Variants in COL17A1 observed in about 807,000 individuals in gnomAD.
COL17A1 encodes collagen alpha-1(XVII) chain.
COL17A1 carries 181 observed loss-of-function variants against 218.4 expected under a neutral mutation model. The ratio of observed to expected loss-of-function variants is 0.83; its 90% confidence interval spans 0.73 to 0.94. The LOEUF (loss-of-function observed/expected upper bound fraction) is 0.94, where lower values mean the gene tolerates loss of function less well. Ranked by LOEUF, COL17A1 falls within the 40% of genes least tolerant of loss-of-function variation. The pLI is 0.00. For missense variants in COL17A1, 1,924 were observed against 1,945.9 expected, an observed-to-expected ratio of 0.99 and a Z score of 0.21; for synonymous variants, 721 against 731.0, an observed-to-expected ratio of 0.99 and a Z score of 0.22.
At position 104,055,850 on chromosome 10, in the gene COL17A1, A is replaced by T; in HGVS notation, c.1619T>A (p.Leu540Gln). Reference sequence around the variant, plus strand: ...GAGCTCCTCCTGGCTGTCACTGTGCAGCCCAATTTTGTCCAGGTCTGCTCC... The same window carrying T: ...GAGCTCCTCCTGGCTGTCACTGTGCTGCCCAATTTTGTCCAGGTCTGCTCC... ...AAGADLDKIG[L>Q]HSDSQEELWM... The change falls in exon 18 of 56, where the codon CTG (leucine) becomes CAG (glutamine). Residue 540 changes from leucine (L) to glutamine (Q), a missense_variant. Physicochemically the swap from Leu to Gln is moderately radical, Grantham distance 113. Coordinates refer to ENST00000648076, the MANE Select transcript of COL17A1 (RefSeq NM_000494.4). 6.2e-7 allele frequency: 1 copy of T among 1,614,210 alleles called. No individual in the cohort carries two copies. Among genetic ancestry groups the T allele is most frequent in the East Asian group, 2.2e-5 (1 of 44,886 alleles).
intron 33 of COL17A1, among the ~76,000 whole-genome samples, chr10:104,044,911 G>T (rs905152767): frequency 7.9e-5 from 12 of 152,132 alleles, no homozygotes; most frequent in Non-Finnish European, 1.6e-4. Context: ...TCATTATTTT[G>T]GAATTACATT....
At chr10:104,048,015 T>C in intron 30 of COL17A1, 54 bp downstream of exon 30, 1 of 1,608,318 alleles carries the variant, frequency 6.2e-7, no homozygotes, top group South Asian at 1.1e-5. Flanking sequence ...GGCTGCATGC[T>C]GGAACAGGGG....
chr10:104,070,372 G>A (rs921363375), intron 9 of COL17A1, 54 bp downstream of exon 9: 2 of 1,610,454 alleles, frequency 1.2e-6, no homozygotes, highest in Non-Finnish European at 1.7e-6. Context: ...CTTTGGGTTT[G>A]GATGGGTAAG....
chr10:104,079,871 G>A (rs1439456667), intron 2 of COL17A1, among the ~76,000 whole-genome samples: 4 of 148,918 alleles, frequency 2.7e-5, no homozygotes, highest in Non-Finnish European at 5.9e-5. Context: ...AGGTTGCAGT[G>A]AGCCAAGATT....
chr10:104,078,730 G>C, intron 2 of COL17A1, 144 bp from the exon 3 acceptor site: 4 of 1,105,894 alleles, frequency 3.6e-6, no homozygotes, highest in Non-Finnish European at 5.3e-6. Flanking sequence ...TAAGGTGTGT[G>C]ATCTGACCCA....
At chr10:104,071,624 C>T (rs1269073535) in intron 8 of COL17A1, among the ~76,000 whole-genome samples, 1 of 152,148 alleles carries the variant, frequency 6.6e-6, no homozygotes, top group East Asian at 1.9e-4. Context: ...TTCGATGCCT[C>T]ATGCAGGCTC....
chr10:104,077,591 C>T, intron 3 of COL17A1, 65 bp from the exon 4 acceptor site: 2 of 1,365,074 alleles, frequency 1.5e-6, no homozygotes, highest in Non-Finnish European at 2.1e-6. Context: ...CCCTGGTCCC[C>T]CACCCTGTGG....
intron 5 of COL17A1, among the ~76,000 whole-genome samples, chr10:104,074,799 C>T (rs1224029276): frequency 1.3e-5 from 2 of 152,230 alleles, no homozygotes; most frequent in African/African-American, 4.8e-5. Context: ...GATGCTAGCC[C>T]GCTGTGATCA....
At chr10:104,072,997 C>T (rs746141186) in intron 7 of COL17A1, among the ~76,000 whole-genome samples, 24 of 152,300 alleles carry the variant, frequency 1.6e-4, no homozygotes, top group Non-Finnish European at 2.2e-4. Flanking sequence ...CCTGCCTCTA[C>T]GTGCTTGTTA....
chr10:104,056,089 A>G (rs2086522682), intron 17 of COL17A1, 86 bp from the exon 18 acceptor site: 4 of 1,507,082 alleles, frequency 2.7e-6, no homozygotes, highest in Middle Eastern at 3.5e-4. Context: ...GCCTGACACA[A>G]GGGATTGGGG....
chr10:104,063,391 T>A, intron 11 of COL17A1: 1 of 329,724 alleles, frequency 3.0e-6, no homozygotes, highest in Non-Finnish European at 5.9e-6. Context: ...ATGAATTCTA[T>A]TTTTCTTTAA....
intron 46 of COL17A1, among the ~76,000 whole-genome samples, 184 bp downstream of exon 46, chr10:104,037,452 C>T (rs2086311805): frequency 6.6e-6 from 1 of 152,154 alleles, no homozygotes; most frequent in South Asian, 2.1e-4. Flanking sequence ...AGCGTGGCCG[C>T]CCTGAATCTG....
chr10:104,038,343 C>T (rs953816358), intron 45 of COL17A1, 63 bp downstream of exon 45: 3 of 1,606,884 alleles, frequency 1.9e-6, no homozygotes, highest in Non-Finnish European at 2.5e-6. Flanking sequence ...ACCACAGCTC[C>T]CTTGCAAAGA....
At chr10:104,050,796 G>C (rs2086461486) in intron 26 of COL17A1, 52 bp downstream of exon 26, 14 of 1,613,970 alleles carry the variant, frequency 8.7e-6, no homozygotes, top group Non-Finnish European at 1.2e-5. Flanking sequence ...CATAGGCTGT[G>C]GGTCGTGTCC....
intron 35 of COL17A1, 86 bp downstream of exon 35, chr10:104,043,415 G>A (rs932775094): frequency 8.0e-7 from 1 of 1,251,010 alleles, no homozygotes; most frequent in African/African-American, 1.5e-5. Context: ...TCCTGCCCTG[G>A]GTTTCAGGAT....
intron 45 of COL17A1, among the ~76,000 whole-genome samples, 175 bp downstream of exon 45, chr10:104,038,231 T>TAC (rs59808906): frequency 0.023 from 3,248 of 141,790 alleles, 50 homozygotes; most frequent in Middle Eastern, 0.035. Context: ...TAGACACACA[T>TAC]ACACACACAC....
Position 104,033,942 on chromosome 10 carries a change from T to TAG in COL17A1, c.4156+2_4156+3insCT. 6.2e-7 allele frequency: 1 copy of TAG among 1,614,176 alleles called. No individual in the cohort carries two copies. The highest frequency in any genetic ancestry group is 8.5e-7 in the Non-Finnish European group (1 of 1,180,024). ...GCACCAAGGCCTAAATGTCCCCACT[T>TAG]ACGCTGCATGCTCTCTGACACCCTC... is the stretch of plus-strand genomic sequence containing the variant. On this transcript the variant is annotated splice_region_variant and intron_variant, in intron 52 of 55. Coordinates refer to ENST00000648076, the MANE Select transcript of COL17A1 (RefSeq NM_000494.4).
Position 104,051,462 on chromosome 10 carries a change from C to A in COL17A1, c.2038+19G>T. On this transcript the variant is annotated intron_variant, in intron 25 of 55. Coordinates refer to ENST00000648076, the MANE Select transcript of COL17A1 (RefSeq NM_000494.4). ...TTGCCCTGGAAACAGAACCTATTTA[C>A]AAGAAGCAGCAAACTGACCTGGAGG... 1 of 1,614,032 alleles carries A rather than the reference C, an allele frequency of 6.2e-7. No homozygotes were observed. Among genetic ancestry groups the A allele is most frequent in the Non-Finnish European group, 8.5e-7 (1 of 1,180,000 alleles).
At chr10:104,049,253 G>A (rs1564676793) in intron 29 of COL17A1, among the ~76,000 whole-genome samples, 156 bp downstream of exon 29, 1 of 152,170 alleles carries the variant, frequency 6.6e-6, no homozygotes, top group Non-Finnish European at 1.5e-5. Flanking sequence ...CCCCAGAAAG[G>A]ATGCCCAGAC....
Sources: gnomAD v4.1 joint callset for allele counts (sites outside exome capture counted in the v4.1 genomes callset) on GRCh38, gnomAD v4.1.1 for gene constraint, MANE v1.5 for transcripts, NCBI Gene and HGNC (gene_info 2026-07-23, HGNC 2026-07-21) for gene names.